Variants in SCAF8 observed in about 807,000 individuals in gnomAD.
The protein encoded by SCAF8 is SR-related CTD associated factor 8.
SCAF8 carries 23 observed loss-of-function variants against 140.5 expected under a neutral mutation model. The observed-to-expected ratio is 0.16, with a 90% confidence interval of 0.12 to 0.23. SCAF8 has a LOEUF of 0.23. SCAF8 is among the 10% of genes least tolerant of loss of function. The probability of loss-of-function intolerance (pLI) is 1.00; values close to 1 mark genes in which losing one functional copy is unlikely to be tolerated. For missense variants in SCAF8, 1,397 were observed against 1,555.7 expected, an observed-to-expected ratio of 0.90 and a Z score of 1.72; for synonymous variants, 575 against 528.9, an observed-to-expected ratio of 1.09 and a Z score of -1.20.
Position 154,822,423 on chromosome 6 carries a change from TG to T in SCAF8, c.1926+18del. On this transcript the variant is annotated intron_variant, in intron 16 of 19. Coordinates refer to ENST00000367178, the MANE Select transcript of SCAF8 (RefSeq NM_014892.5). Reference sequence around the variant, plus strand: ...GCTATGTTGCAGGTTAGTGTTGAAGTGGGGTTTTTTTTTTCTTGTGTTGTTT... The same window carrying T: ...GCTATGTTGCAGGTTAGTGTTGAAGTGGGTTTTTTTTTTCTTGTGTTGTTT... The T allele has an allele frequency of 6.3e-7, 1 of 1,580,052 alleles. No individual in the cohort carries two copies. Among genetic ancestry groups the T allele is most frequent in the Non-Finnish European group, 8.6e-7 (1 of 1,169,264 alleles).
At chr6:154,778,167 A>G (rs900531330) in intron 3 of SCAF8, 122 bp downstream of exon 3, 4 of 574,838 alleles carry the variant, frequency 7.0e-6, no homozygotes, top group African/African-American at 5.8e-5. Flanking sequence ...GATTCCAGTT[A>G]TTTTATTTTC....
intron 15 of SCAF8, 34 bp downstream of exon 15, chr6:154,820,367 A>T: frequency 6.4e-7 from 1 of 1,565,056 alleles, no homozygotes; most frequent in South Asian, 1.2e-5. Flanking sequence ...TTGTTAAAAA[A>T]AAGTATGCTT....
intron 3 of SCAF8, among the ~76,000 whole-genome samples, chr6:154,780,191 A>G (rs902285865): frequency 3.3e-5 from 5 of 151,940 alleles, no homozygotes; most frequent in Non-Finnish European, 7.4e-5. Context: ...CCTAATCCCT[A>G]ATGCCTGGCA....
intron 6 of SCAF8, 98 bp from the exon 7 acceptor site, chr6:154,801,873 T>C (rs1777780770): frequency 2.6e-6 from 2 of 772,608 alleles, no homozygotes; most frequent in South Asian, 2.1e-5. Context: ...TCAAAGAGAG[T>C]GTGGAATGAT....
At chr6:154,785,382 T>C (rs1777222857) in intron 3 of SCAF8, among the ~76,000 whole-genome samples, 1 of 152,250 alleles carries the variant, frequency 6.6e-6, no homozygotes, top group Admixed American at 6.5e-5. Context: ...TTACAGGATA[T>C]GCATTTCTTC....
chr6:154,803,688 C>G, intron 8 of SCAF8, 65 bp downstream of exon 8: 4 of 925,976 alleles, frequency 4.3e-6, no homozygotes, highest in Non-Finnish European at 5.2e-6. Flanking sequence ...ATCTGAATTA[C>G]TAAGTATACT....
chr6:154,775,383 T>A (rs1457015302), intron 2 of SCAF8, among the ~76,000 whole-genome samples: 1 of 152,202 alleles, frequency 6.6e-6, no homozygotes, highest in Non-Finnish European at 1.5e-5. Flanking sequence ...ATTTTTATGA[T>A]CATGATCATT....
intron 7 of SCAF8, among the ~76,000 whole-genome samples, chr6:154,803,019 A>G (rs1583049648): frequency 6.6e-6 from 1 of 152,180 alleles, no homozygotes; most frequent in African/African-American, 2.4e-5. Context: ...TGGTGTTCAT[A>G]TTTTTAAAAT....
intron 5 of SCAF8, among the ~76,000 whole-genome samples, 153 bp from the exon 6 acceptor site, chr6:154,794,856 T>G (rs1283405126): frequency 1.4e-5 from 2 of 146,610 alleles, no homozygotes; most frequent in South Asian, 2.2e-4. Context: ...CTGTAAAGGA[T>G]TTTAAGTGAT....
At chr6:154,757,829 C>A (rs1055748600) in intron 1 of SCAF8, among the ~76,000 whole-genome samples, 13 of 151,946 alleles carry the variant, frequency 8.6e-5, no homozygotes, top group African/African-American at 3.1e-4. Context: ...TCATCTGTGT[C>A]ATCTTGGGAT....
chr6:154,741,835 A>T, intron 1 of SCAF8: 1 of 635,644 alleles, frequency 1.6e-6, no homozygotes, highest in Admixed American at 2.4e-5. Flanking sequence ...CTAACTCATA[A>T]TGGTGTGAAA....
chr6:154,750,086 A>G (rs939614561), intron 1 of SCAF8, among the ~76,000 whole-genome samples: 1 of 148,768 alleles, frequency 6.7e-6, no homozygotes, highest in African/African-American at 2.5e-5. Context: ...AGGGAGAGAA[A>G]GAAGATTGAG....
At chr6:154,758,281 A>C (rs1404119636) in intron 1 of SCAF8, among the ~76,000 whole-genome samples, 1 of 152,102 alleles carries the variant, frequency 6.6e-6, no homozygotes, top group African/African-American at 2.4e-5. Flanking sequence ...CCTCTGAAGG[A>C]TGTTGATTTT....
chr6:154,767,875 C>G (rs1373615037), intron 1 of SCAF8, among the ~76,000 whole-genome samples: 2 of 152,084 alleles, frequency 1.3e-5, no homozygotes, highest in Non-Finnish European at 2.9e-5. Context: ...AGCCATACTT[C>G]TTTCTAAAAT....
rs1212436414 is a variant in SCAF8, at chr6:154,754,267, TC to T, written c.31-19721del. Reference sequence around the variant, plus strand: ...TGCAGTTTATTTAGGTGTTATTTGATCAGTAGACTCAAAAGCTTTATAATCT... The same window carrying T: ...TGCAGTTTATTTAGGTGTTATTTGATAGTAGACTCAAAAGCTTTATAATCT... On this transcript the variant is annotated intron_variant, in intron 1 of 19. Coordinates refer to ENST00000367178, the MANE Select transcript of SCAF8 (RefSeq NM_014892.5). Among the ~76,000 whole-genome samples, 5 of 152,242 alleles carry T rather than the reference TC, an allele frequency of 3.3e-5. No homozygotes were observed. In the South Asian group the frequency reaches 8.3e-4, roughly 25 times the overall value.
chr6:154,789,114 A>G (rs769227792), intron 4 of SCAF8, among the ~76,000 whole-genome samples: 4 of 152,070 alleles, frequency 2.6e-5, no homozygotes, highest in Non-Finnish European at 5.9e-5. Context: ...CGATAAATTT[A>G]TTTATTTTTT....
intron 7 of SCAF8, among the ~76,000 whole-genome samples, chr6:154,802,648 T>C (rs779211604): frequency 1.3e-5 from 2 of 152,052 alleles, no homozygotes; most frequent in Non-Finnish European, 2.9e-5. Flanking sequence ...GAAACATTTT[T>C]GAAACATTTA....
At chr6:154,794,942 C>T in intron 5 of SCAF8, 67 bp from the exon 6 acceptor site, 3 of 1,385,442 alleles carry the variant, frequency 2.2e-6, no homozygotes, top group Non-Finnish European at 2.9e-6. Flanking sequence ...ACAAGTTATT[C>T]TGCTTTTTCT....
At chr6:154,805,628 A>C (rs1453885402) in intron 9 of SCAF8, 142 bp downstream of exon 9, 1 of 419,194 alleles carries the variant, frequency 2.4e-6, no homozygotes, top group Non-Finnish European at 4.2e-6. Context: ...CAGCTACTTT[A>C]TTTCTTTCTA....
Sources: allele counts gnomAD v4.1 joint callset (sites outside exome capture counted in the v4.1 genomes callset), GRCh38; gene constraint gnomAD v4.1.1; transcripts MANE v1.5; gene names NCBI Gene and HGNC (gene_info 2026-07-23, HGNC 2026-07-21).